Variants in DNAH5 observed in about 807,000 individuals in gnomAD.
The protein encoded by DNAH5 is dynein axonemal heavy chain 5.
Under a neutral mutation model 518.2 loss-of-function variants are expected in DNAH5, and 372 were observed. That is an observed-to-expected ratio of 0.72 (90% CI 0.66 to 0.78). The LOEUF (loss-of-function observed/expected upper bound fraction) is 0.78, where lower values mean the gene tolerates loss of function less well. Among genes scored for constraint, DNAH5 ranks in the 30% least tolerant of loss-of-function variants. The pLI, the probability that DNAH5 is intolerant of heterozygous loss-of-function variation, is 0.00. For synonymous variants in DNAH5, 2,039 were observed against 2,025.9 expected (o/e 1.01, Z -0.17); for missense variants, 5,523 against 5,687.0 (o/e 0.97, Z 0.93).
chr5:13,829,834 C>G (rs1167193541), intron 37 of DNAH5, 130 bp from the exon 38 acceptor site: 1 of 1,115,916 alleles, frequency 9.0e-7, no homozygotes, highest in African/African-American at 1.5e-5. Context: ...GTATCTCAAT[C>G]TCGTTTTACC....
intron 76 of DNAH5, among the ~76,000 whole-genome samples, chr5:13,706,912 G>A (rs1270140266): frequency 3.3e-5 from 5 of 152,194 alleles, no homozygotes; most frequent in African/African-American, 9.7e-5. Flanking sequence ...GGTCCCTGGC[G>A]AAGGCTCCAC....
At chr5:13,879,454 A>G (rs547322622) in intron 21 of DNAH5, among the ~76,000 whole-genome samples, 1 of 152,290 alleles carries the variant, frequency 6.6e-6, no homozygotes, top group South Asian at 2.1e-4. Flanking sequence ...TTGACTTACT[A>G]TAAAGTTACT....
intron 47 of DNAH5, among the ~76,000 whole-genome samples, chr5:13,805,811 G>C (rs1201094740): frequency 1.3e-5 from 2 of 152,176 alleles, no homozygotes; most frequent in Non-Finnish European, 2.9e-5. Flanking sequence ...TGGAAACTGA[G>C]AGGGCTGAGG....
At position 13,841,918 on chromosome 5, in the gene DNAH5, C is replaced by T; in HGVS notation, c.5272-14G>A. ...TCGATCATAGATCTATGTTAGAAAC[C>T]AAAAAAAAAAAAAAAAAAAGCTATA... On this transcript the variant is annotated splice_polypyrimidine_tract_variant and intron_variant, in intron 32 of 78. Coordinates refer to ENST00000265104, the MANE Select transcript of DNAH5 (RefSeq NM_001369.3). 1 of 591,134 alleles carries T rather than the reference C, an allele frequency of 1.7e-6. No homozygotes were observed. Among genetic ancestry groups the T allele is most frequent in the Non-Finnish European group, 2.7e-6 (1 of 370,188 alleles). 36.6% of individuals were successfully genotyped at this position (591,134 alleles called of 1,614,324 possible). A position where few individuals can be genotyped will look rare whatever the true frequency, so the allele number is the denominator to read the frequency against.
At chr5:13,859,689 T>A in intron 29 of DNAH5, 84 bp from the exon 30 acceptor site, 4 of 1,354,474 alleles carry the variant, frequency 3.0e-6, no homozygotes, top group Non-Finnish European at 4.2e-6. Context: ...AAAATCTTAA[T>A]TTTTAACCGC....
At chr5:13,776,135 A>AACATCTTT (rs1209261747) in intron 55 of DNAH5, among the ~76,000 whole-genome samples, 1 of 152,200 alleles carries the variant, frequency 6.6e-6, no homozygotes, top group Non-Finnish European at 1.5e-5. Flanking sequence ...CATGCTGGTT[A>AACATCTTT]ACATCTTTTG....
rs1778383560 is a variant in DNAH5 at position 13,931,224 on chromosome 5, C to G, written c.78G>C (p.Lys26Asn). The G allele has an allele frequency of 6.2e-7, 1 of 1,613,992 alleles. No homozygotes were observed. The highest frequency in any genetic ancestry group is 1.3e-5 in the African/African-American group (1 of 74,920). Reference sequence around the variant, plus strand: ...CATCCAAAAGAGCCCGCTTGGCTTCCTTCTCTCCCTTCAGTCTTTGCTAAA... The same window carrying G: ...CATCCAAAAGAGCCCGCTTGGCTTCGTTCTCTCCCTTCAGTCTTTGCTAAA... ...RVLTQRLKGE[K>N]EAKRALLDAR... is the part of the protein sequence containing the mutation. The change falls in exon 2 of 79, where the codon AAG becomes AAC. Residue 26 changes from lysine (K) to asparagine (N), a missense_variant. Coordinates refer to ENST00000265104, the MANE Select transcript of DNAH5 (RefSeq NM_001369.3).
At chr5:13,754,702 C>T (rs765177463) in intron 61 of DNAH5, among the ~76,000 whole-genome samples, 2 of 152,182 alleles carry the variant, frequency 1.3e-5, no homozygotes, top group Non-Finnish European at 2.9e-5. Context: ...CCACACCCCG[C>T]TAATTTTGTA....
chr5:13,890,880 GA>G, intron 17 of DNAH5, 95 bp downstream of exon 17: 1 of 1,395,606 alleles, frequency 7.2e-7, no homozygotes, highest in East Asian at 2.3e-5. Context: ...ACTGCAAGTA[GA>G]GAAAAAAATC....
chr5:13,957,173 C>G (rs561901153), intron 1 of DNAH5, among the ~76,000 whole-genome samples: 1 of 152,180 alleles, frequency 6.6e-6, no homozygotes, highest in Non-Finnish European at 1.5e-5. Flanking sequence ...TCTTTTCTCC[C>G]TTCAAGCACA....
At position 13,793,681 on chromosome 5, in the gene DNAH5, A is replaced by G. The variant is rs1757372234; in HGVS notation, c.8058T>C (p.Tyr2686=). The change falls in exon 49 of 79, where the codon TAT becomes TAC. Residue 2686 remains tyrosine (Y), a synonymous_variant. Coordinates refer to ENST00000265104, the MANE Select transcript of DNAH5 (RefSeq NM_001369.3). The part of the protein sequence containing the change: ...VRQLMEQNGF[Y]NLEKPGEFTS... ...TGAACTCCCCAGGCTTCTCTAGATTATAGAATCCATTTTGTTCCATCAGCT... is the reference window on the plus strand; with the variant it reads ...TGAACTCCCCAGGCTTCTCTAGATTGTAGAATCCATTTTGTTCCATCAGCT... 7 of 1,614,070 alleles carry G rather than the reference A, an allele frequency of 4.3e-6. 1 individual carries two copies. The Middle Eastern group carries it at 4.9e-4, about 114-fold the overall frequency.
At chr5:13,778,588 A>AAGAAAGAGAGAG (rs1754553632) in intron 53 of DNAH5, among the ~76,000 whole-genome samples, 1 of 73,398 alleles carries the variant, frequency 1.4e-5, no homozygotes. Flanking sequence ...GAAAGAAAGA[A>AAGAAAGAGAGAG]AGAAAGAAAG....
intron 1 of DNAH5, among the ~76,000 whole-genome samples, chr5:14,003,004 CTT>C (rs1396122931): frequency 6.6e-6 from 1 of 152,088 alleles, no homozygotes; most frequent in African/African-American, 2.4e-5. Context: ...GAATGTACAA[CTT>C]AAAGTTCCAG....
At chr5:13,815,096 G>A (rs1761282788) in intron 42 of DNAH5, among the ~76,000 whole-genome samples, 1 of 152,222 alleles carries the variant, frequency 6.6e-6, no homozygotes, top group Non-Finnish European at 1.5e-5. Context: ...TGAGCACCTT[G>A]CATATGTCAC....
chr5:13,737,280 A>C lies in DNAH5; in HGVS notation c.11427T>G (p.Ile3809Met). ...GTCTGTATTCCTCCCGGGCTGAGTT[A>C]ATTTGAACTTCTGTCTCAGCAGAAA... is the stretch of plus-strand genomic sequence containing the variant. ...LEISAETEVQ[I>M]NSAREEYRPV... The change falls in exon 66 of 79, where the codon ATT (isoleucine) becomes ATG (methionine). Residue 3809 changes from isoleucine to methionine, a missense_variant. Around this residue, in one of 3 missense-constraint regions of DNAH5, gnomAD observed 5,121 missense variants for 5,223.3 expected, o/e 0.98. Transcript: ENST00000265104. The C allele has an allele frequency of 6.2e-7, 1 of 1,614,064 alleles. No homozygotes were observed. The highest frequency in any genetic ancestry group is 8.5e-7 in the Non-Finnish European group (1 of 1,179,978).
intron 1 of DNAH5, among the ~76,000 whole-genome samples, chr5:13,979,737 A>G (rs1782532157): frequency 6.6e-6 from 1 of 152,016 alleles, no homozygotes; most frequent in East Asian, 1.9e-4. Flanking sequence ...CATCTTACTG[A>G]TCAACTGCAT....
chr5:13,717,219 C>T (rs948460982), intron 73 of DNAH5, 96 bp downstream of exon 73: 6 of 1,166,790 alleles, frequency 5.1e-6, no homozygotes, highest in Middle Eastern at 2.7e-4. Flanking sequence ...ACAGCAAATT[C>T]TCTTATATAA....
chr5:13,891,797 T>C (rs539854782), intron 16 of DNAH5, among the ~76,000 whole-genome samples: 1 of 152,354 alleles, frequency 6.6e-6, no homozygotes, highest in Admixed American at 6.5e-5. Flanking sequence ...GGTACATTTT[T>C]TTAGTTGTGC....
At position 13,953,278 on chromosome 5, in the gene DNAH5, T is replaced by C. The variant is rs189127546; in HGVS notation, c.13-22034A>G. ...GACACCCAATTAAAGTGAATGTGTATATATATATATACATTTCTATCATAA... is the reference window on the plus strand; with the variant it reads ...GACACCCAATTAAAGTGAATGTGTACATATATATATACATTTCTATCATAA... On this transcript the variant is annotated intron_variant, in intron 1 of 78. Transcript: ENST00000681290. 5.9e-4 allele frequency among the ~76,000 whole-genome samples: 90 copies of C among 151,884 alleles called. 1 individual carries two copies. The highest frequency in any genetic ancestry group is 9.8e-4 in the Admixed American group (15 of 15,240).
Sources: gnomAD v4.1 joint callset for allele counts (sites outside exome capture counted in the v4.1 genomes callset) on GRCh38, gnomAD v4.1.1 for gene constraint, gnomAD v4.1.1 regional missense constraint, MANE v1.5 for transcripts, NCBI Gene and HGNC (gene_info 2026-07-23, HGNC 2026-07-21) for gene names.